MAP3K5: variants seen among roughly 807,000 people sequenced by gnomAD.
MAP3K5 encodes mitogen-activated protein kinase kinase kinase 5.
In MAP3K5, 56 loss-of-function variants were observed where a neutral mutation model predicts 158.7. The observed-to-expected ratio is 0.35, with a 90% CI of 0.28 to 0.44. MAP3K5 has a LOEUF of 0.44. MAP3K5 is among the 20% of genes least tolerant of loss of function. MAP3K5 has a pLI of 1.00. For synonymous variants in MAP3K5, 579 were observed against 601.7 expected (o/e 0.96, Z 0.55); for missense variants, 1,294 against 1,674.8 (o/e 0.77, Z 3.97).
At position 136,588,883 on chromosome 6, in the gene MAP3K5, T is replaced by C. The variant is rs1013112951; in HGVS notation, c.3225+3290A>G. ...CCCTCACTCTAGAGCACCTTCTTCC[T>C]GGGCCTCAGAGTAACTGCCCGAGAC... On this transcript the variant is annotated intron_variant, in intron 23 of 29. Transcript: ENST00000359015. Among the ~76,000 whole-genome samples, 3 of 152,246 alleles carry C rather than the reference T, an allele frequency of 2.0e-5. No individual in the cohort carries two copies. In the South Asian group the frequency reaches 6.2e-4, roughly 31 times the overall value.
intron 1 of MAP3K5, among the ~76,000 whole-genome samples, chr6:136,746,264 G>T (rs1782952993): frequency 6.7e-6 from 1 of 149,612 alleles, no homozygotes; most frequent in Non-Finnish European, 1.5e-5. Context: ...GGACTCAAAT[G>T]AAATAAATTT....
At chr6:136,600,989 T>G (rs1448414460) in intron 21 of MAP3K5, 33 bp downstream of exon 21, 2 of 1,612,556 alleles carry the variant, frequency 1.2e-6, no homozygotes, top group Non-Finnish European at 1.7e-6. Context: ...ACACCAGGTC[T>G]CAGCTCAATG....
In MAP3K5 at chr6:136,720,449, C is replaced by A; in HGVS notation, c.588+1G>T. On this transcript the variant is annotated splice_donor_variant, in intron 2 of 29. Transcript: ENST00000359015. LOFTEE classifies it high-confidence loss of function. ...AAACATTCAGTAAACAAGGGAGGTA[C>A]CTTCAGTGACTGCAGAGAGTCCGAG... is the stretch of plus-strand genomic sequence containing the variant. 6.3e-7 allele frequency: 1 copy of A among 1,590,464 alleles called. No homozygotes were observed. Among genetic ancestry groups the A allele is most frequent in the Non-Finnish European group, 8.5e-7 (1 of 1,170,148 alleles).
chr6:136,646,878 T>C (rs758987734), intron 11 of MAP3K5, among the ~76,000 whole-genome samples: 2 of 152,236 alleles, frequency 1.3e-5, no homozygotes, highest in Admixed American at 1.3e-4. Context: ...ATGATTCCAC[T>C]TGGAGTCTTG....
At chr6:136,731,339 A>G (rs951556212) in intron 1 of MAP3K5, among the ~76,000 whole-genome samples, 3 of 152,228 alleles carry the variant, frequency 2.0e-5, no homozygotes, top group African/African-American at 7.2e-5. Context: ...AAAACAGCAG[A>G]AATGTCTTCT....
intron 11 of MAP3K5, among the ~76,000 whole-genome samples, chr6:136,645,630 C>G (rs1235977347): frequency 1.3e-5 from 2 of 152,240 alleles, no homozygotes; most frequent in Non-Finnish European, 2.9e-5. Flanking sequence ...GACTAACTTA[C>G]TTTTCAGCAG....
intron 13 of MAP3K5, among the ~76,000 whole-genome samples, chr6:136,638,150 G>A (rs889347790): frequency 3.3e-5 from 5 of 152,032 alleles, no homozygotes; most frequent in Admixed American, 1.3e-4. Context: ...AACAGTTTGC[G>A]CTATTAAATA....
chr6:136,679,700 A>G (rs572592164), intron 7 of MAP3K5, among the ~76,000 whole-genome samples: 308 of 152,346 alleles, frequency 2.0e-3, no homozygotes, highest in African/African-American at 6.1e-3. Flanking sequence ...TTCCAAAAAA[A>G]GAGAATCACC....
chr6:136,663,782 G>A (rs182487441), intron 8 of MAP3K5, among the ~76,000 whole-genome samples: 1 of 151,820 alleles, frequency 6.6e-6, no homozygotes, highest in South Asian at 2.1e-4. Context: ...GCTAATTTTT[G>A]TATTTTTTTT....
rs1783771396 is a variant in MAP3K5, at chr6:136,761,809, G to GGT, written c.448+29900_448+29901insAC. 2.6e-5 allele frequency among the ~76,000 whole-genome samples: 4 copies of GGT among 152,300 alleles called. No individual in the cohort carries two copies. In the East Asian group the frequency reaches 5.8e-4, roughly 22 times the overall value. On this transcript the variant is annotated intron_variant, in intron 1 of 29. Transcript: ENST00000359015. ...AAGCAGGAAACTGCACTGATCAGAAGATAATTTCATAGTAACTACTCCGAC... is the reference window on the plus strand; with the variant it reads ...AAGCAGGAAACTGCACTGATCAGAAGGTATAATTTCATAGTAACTACTCCGAC...
chr6:136,765,683 T>A (rs1439356993), intron 1 of MAP3K5, among the ~76,000 whole-genome samples: 2 of 144,414 alleles, frequency 1.4e-5, no homozygotes, highest in Non-Finnish European at 3.0e-5. Flanking sequence ...TGGCTAATTT[T>A]TTTTTTTTTT....
intron 7 of MAP3K5, among the ~76,000 whole-genome samples, chr6:136,690,194 A>G (rs540599225): frequency 8.5e-5 from 13 of 152,322 alleles, no homozygotes; most frequent in Non-Finnish European, 1.6e-4. Context: ...TTTGGAGTTT[A>G]TGATGCCCAT....
At chr6:136,779,889 C>G (rs545887556) in intron 1 of MAP3K5, among the ~76,000 whole-genome samples, 7 of 152,248 alleles carry the variant, frequency 4.6e-5, no homozygotes, top group East Asian at 1.9e-4. Context: ...GACTAGGAAC[C>G]CTGGTTAAAG....
intron 6 of MAP3K5, among the ~76,000 whole-genome samples, chr6:136,695,666 T>C (rs1780572690): frequency 6.6e-6 from 1 of 152,230 alleles, no homozygotes; most frequent in Non-Finnish European, 1.5e-5. Flanking sequence ...ATGTAACTTT[T>C]ACAATTCTAA....
intron 18 of MAP3K5, among the ~76,000 whole-genome samples, chr6:136,610,593 T>A: frequency 7.0e-6 from 1 of 143,366 alleles, no homozygotes. Flanking sequence ...AAGGAAATGT[T>A]TAATAAAAAA....
At chr6:136,570,125 C>T (rs1312983230) in intron 25 of MAP3K5, among the ~76,000 whole-genome samples, 4 of 152,260 alleles carry the variant, frequency 2.6e-5, no homozygotes, top group South Asian at 4.1e-4. Context: ...GTTAAGAGCC[C>T]GTGTGTACAG....
chr6:136,665,013 T>C (rs1297161745), intron 8 of MAP3K5, among the ~76,000 whole-genome samples: 1 of 152,174 alleles, frequency 6.6e-6, no homozygotes, highest in African/African-American at 2.4e-5. Context: ...AGGGCACATG[T>C]CTCGCCACCC....
chr6:136,690,210 C>T (rs577320614), intron 7 of MAP3K5, among the ~76,000 whole-genome samples: 69 of 152,282 alleles, frequency 4.5e-4, no homozygotes, highest in African/African-American at 1.6e-3. Flanking sequence ...CCCATCCGTG[C>T]ATCTATACTT....
chr6:136,621,573 T>A (rs1776803970), intron 15 of MAP3K5, among the ~76,000 whole-genome samples: 1 of 152,068 alleles, frequency 6.6e-6, no homozygotes, highest in African/African-American at 2.4e-5. Flanking sequence ...GGGGAAGAGT[T>A]CGACAGGTCT....
Sources: gnomAD v4.1 joint callset for allele counts (sites outside exome capture counted in the v4.1 genomes callset) on GRCh38, gnomAD v4.1.1 for gene constraint, MANE v1.5 for transcripts, NCBI Gene and HGNC (gene_info 2026-07-23, HGNC 2026-07-21) for gene names.